FAAP20: variants seen among roughly 807,000 people sequenced by gnomAD.
The protein encoded by FAAP20 is Fanconi anemia core complex-associated protein 20.
In FAAP20, 12 loss-of-function variants were observed where a neutral mutation model predicts 16.2. The observed-to-expected ratio is 0.74, with a 90% CI of 0.48 to 1.20. FAAP20 has a LOEUF of 1.20. Among genes scored for constraint, FAAP20 ranks in the 50% most tolerant of loss-of-function variants. The probability of loss-of-function intolerance (pLI) is 0.00; values close to 1 mark genes in which losing one functional copy is unlikely to be tolerated. For missense variants in FAAP20, 288 were observed against 245.8 expected (o/e 1.17, Z -1.15); for synonymous variants, 141 against 110.7 (o/e 1.27, Z -1.72).
downstream of FAAP20, among the ~76,000 whole-genome samples, chr1:2,210,436 C>A (rs779574739): frequency 1.5e-4 from 23 of 152,310 alleles, no homozygotes; most frequent in Non-Finnish European, 2.2e-4. Context: ...CCGCCTCCCC[C>A]ACCCCAGACC....
intron 3 of FAAP20, chr1:2,190,792 C>T (rs1688133552): frequency 7.9e-6 from 2 of 252,084 alleles, no homozygotes; most frequent in Non-Finnish European, 8.2e-6. Flanking sequence ...CCACAGGACA[C>T]GTGTCCCTGT....
chr1:2,189,511 G>A (rs1687913643), downstream of FAAP20: 1 of 613,498 alleles, frequency 1.6e-6, no homozygotes, highest in Non-Finnish European at 3.0e-6. Context: ...CAGTGAATCT[G>A]CCCTAAACCA....
upstream of FAAP20, chr1:2,199,562 G>A: frequency 3.0e-6 from 3 of 985,976 alleles, no homozygotes; most frequent in Non-Finnish European, 3.6e-6. The surrounding 1 kb of genome is among the most constrained non-coding windows in gnomAD (Gnocchi z 4.5). Flanking sequence ...GTCAGGGAGT[G>A]GAGACCTCTC....
At chr1:2,193,049 C>T in intron 3 of FAAP20, 1 of 1,283,126 alleles carries the variant, frequency 7.8e-7, no homozygotes, top group Non-Finnish European at 1.0e-6. Context: ...CGCCCATTAA[C>T]TCAACCAAAA....
downstream of FAAP20, chr1:2,185,180 C>T (rs1687393740): frequency 5.5e-6 from 4 of 726,478 alleles, no homozygotes; most frequent in South Asian, 1.6e-5. Flanking sequence ...CAGAACAGTC[C>T]CTCACACCTG....
rs1687928391 is a variant in FAAP20 at position 2,189,608 on chromosome 1, C to G, written c.*101G>C. On this transcript the variant is annotated 3_prime_UTR_variant, in exon 4 of 4. Transcript: ENST00000378546. ...CTGCTTTAATGCGCATGCGGGGGAGCCGAGAGGCGGGGCTGCTGGCGGGGG... is the reference window on the plus strand; with the variant it reads ...CTGCTTTAATGCGCATGCGGGGGAGGCGAGAGGCGGGGCTGCTGGCGGGGG... The G allele has an allele frequency of 3.4e-6, 3 of 880,216 alleles. No homozygotes were observed. The South Asian group carries it at 4.2e-5, about 12-fold the overall frequency. 54.5% of individuals were successfully genotyped at this position (880,216 alleles called of 1,614,324 possible). A position where few individuals can be genotyped will look rare whatever the true frequency, so the allele number is the denominator to read the frequency against.
At chr1:2,193,427 C>A (rs1314143809) in intron 3 of FAAP20, 7 of 735,886 alleles carry the variant, frequency 9.5e-6, no homozygotes, top group Non-Finnish European at 1.5e-5. Flanking sequence ...CCCCAGCCTG[C>A]CCTGCCCACA....
At chr1:2,194,340 G>GGGGT (rs1688630811) in intron 1 of FAAP20, 2 of 529,576 alleles carry the variant, frequency 3.8e-6, no homozygotes, top group East Asian at 6.5e-5. Flanking sequence ...GTGGGGGAGC[G>GGGGT]GGGTGGGTGG....
downstream of FAAP20, chr1:2,186,069 G>C: frequency 2.2e-6 from 1 of 454,172 alleles, no homozygotes; most frequent in South Asian, 1.6e-5. Context: ...CAGCTGCCAG[G>C]TGTCAGGTGT....
intron 3 of FAAP20, among the ~76,000 whole-genome samples, chr1:2,204,928 GGCCCCCCATACCCC>G: frequency 4.0e-5 from 1 of 24,980 alleles, no homozygotes. Context: ...CCTCCCTTCG[GGCCCCCCATACCCC>G]GCCCCTCAAG....
At chr1:2,194,212 G>A in intron 1 of FAAP20, 79 bp from the exon 2 acceptor site, 1 of 1,560,816 alleles carries the variant, frequency 6.4e-7, no homozygotes, top group Non-Finnish European at 8.7e-7. Flanking sequence ...AGGGCCTGGG[G>A]CAGAGAGAGC....
upstream of FAAP20, chr1:2,201,225 C>T (rs953149676): frequency 1.7e-6 from 2 of 1,204,032 alleles, no homozygotes; most frequent in Non-Finnish European, 2.1e-6. Context: ...CCTCGCTGCC[C>T]CTGTGTTGGA....
At chr1:2,185,458 G>A (rs939357762), downstream of FAAP20, 4 of 718,506 alleles carry the variant, frequency 5.6e-6, no homozygotes, top group African/African-American at 1.7e-5. Context: ...CAACCCACAC[G>A]TAGGGGGGCA....
At position 2,189,643 on chromosome 1, in the gene FAAP20, G is replaced by A; in HGVS notation, c.*66C>T. The A allele has an allele frequency of 1.5e-6, 2 of 1,327,124 alleles. No individual in the cohort carries two copies. The highest frequency in any genetic ancestry group is 2.4e-5 in the East Asian group (1 of 41,308). 82.2% of individuals were successfully genotyped at this position (1,327,124 alleles called of 1,614,324 possible). A position where few individuals can be genotyped will look rare whatever the true frequency, so the allele number is the denominator to read the frequency against. On this transcript the variant is annotated 3_prime_UTR_variant, in exon 4 of 4. Coordinates refer to ENST00000378546, the MANE Select transcript of FAAP20 (RefSeq NM_182533.4). ...GGGCTGCTGGCGGGGGAGCCGAGAG[G>A]CGGGGCTGCTGGCGGGGGAGAGCGT... is the stretch of plus-strand genomic sequence containing the variant.
At chr1:2,201,271 C>T (rs1458417799), upstream of FAAP20, 1 of 1,163,096 alleles carries the variant, frequency 8.6e-7, no homozygotes, top group Admixed American at 3.3e-5. Flanking sequence ...CCCTGCGCAT[C>T]CTCCAGAGGG....
chr1:2,192,254 GC>G, intron 3 of FAAP20: 1 of 986,312 alleles, frequency 1.0e-6, no homozygotes, highest in Non-Finnish European at 1.2e-6. Flanking sequence ...GCCTGCCCAT[GC>G]GGTGGCCACA....
chr1:2,187,686 A>G (rs1376141360), downstream of FAAP20, among the ~76,000 whole-genome samples: 4 of 152,160 alleles, frequency 2.6e-5, no homozygotes, highest in African/African-American at 9.7e-5. Context: ...CCAAGTCCCC[A>G]TGCCCCTGCC....
chr1:2,193,066 AAC>A, intron 3 of FAAP20: 3 of 1,237,736 alleles, frequency 2.4e-6, no homozygotes, highest in Non-Finnish European at 3.2e-6. Context: ...AAAAGTTACG[AAC>A]CAGCATCATT....
chr1:2,195,013 C>T (rs1378508859), upstream of FAAP20, among the ~76,000 whole-genome samples: 2 of 152,058 alleles, frequency 1.3e-5, no homozygotes, highest in Admixed American at 6.5e-5. Context: ...CCGGGCAGCC[C>T]CCGGGCCGGA....
Sources: gnomAD v4.1 joint callset for allele counts (sites outside exome capture counted in the v4.1 genomes callset) on GRCh38, gnomAD v4.1.1 for gene constraint, Gnocchi (gnomAD v3.1) non-coding constraint, MANE v1.5 for transcripts, NCBI Gene and HGNC (gene_info 2026-07-23, HGNC 2026-07-21) for gene names.